The following TNFSF9 variants were observed in gnomAD, a reference collection of about 807,000 sequenced individuals.
TNFSF9 encodes TNF superfamily member 9.
A neutral mutation model predicts 10.3 loss-of-function variants in TNFSF9; 10 were observed. The observed-to-expected ratio is 0.97, with a 90% CI of 0.60 to 1.65. TNFSF9 has a LOEUF of 1.65. Among genes scored for constraint, TNFSF9 ranks in the 40% most tolerant of loss-of-function variants. The probability of loss-of-function intolerance (pLI) is 0.00; values close to 1 mark genes in which losing one functional copy is unlikely to be tolerated. For synonymous variants in TNFSF9, 195 were observed against 176.1 expected (o/e 1.11, Z -0.85); for missense variants, 361 against 348.9 (o/e 1.03, Z -0.28).
rs979311390 is a variant in TNFSF9 at position 6,535,725 on chromosome 19, A to G, written c.*659A>G. ...CAGGCTAGAATGCAGCGGTGCAATC[A>G]TGAGTCAATGCAGCCTCCAGCCTCG... On this transcript the variant is annotated 3_prime_UTR_variant, in exon 3 of 3. Coordinates refer to ENST00000245817, the MANE Select transcript of TNFSF9 (RefSeq NM_003811.4). 6.6e-6 allele frequency: 1 copy of G among 152,012 alleles called. No individual in the cohort carries two copies. Among genetic ancestry groups the G allele is most frequent in the Non-Finnish European group, 1.5e-5 (1 of 68,004 alleles). 9.4% of individuals were successfully genotyped at this position (152,012 alleles called of 1,614,324 possible).
chr19:6,534,675 G>A lies in TNFSF9; in HGVS notation c.374G>A (p.Ser125Asn). 1.9e-6 allele frequency: 3 copies of A among 1,592,540 alleles called. No individual in the cohort carries two copies. The highest frequency in any genetic ancestry group is 2.6e-6 in the Non-Finnish European group (3 of 1,170,226). Reference protein sequence around the residue: ...LAGVSLTGGLSYKEDTKELVV... With the variant: ...LAGVSLTGGLNYKEDTKELVV... Reference sequence around the variant, plus strand: ...GGCGTGTCCCTGACGGGGGGCCTGAGCTACAAAGAGGACACGAAGGAGCTG... The same window carrying A: ...GGCGTGTCCCTGACGGGGGGCCTGAACTACAAAGAGGACACGAAGGAGCTG... Residue 125 changes from serine to asparagine, a missense_variant, in exon 3 of 3, where the codon AGC (serine) becomes AAC (asparagine). By Grantham distance (46) the Ser-to-Asn change is conservative. Transcript: ENST00000245817.
chr19:6,534,752 C>A lies in TNFSF9; in HGVS notation c.451C>A (p.Arg151Ser). 1 of 1,598,326 alleles carries A rather than the reference C, an allele frequency of 6.3e-7. No homozygotes were observed. Among genetic ancestry groups the A allele is most frequent in the Non-Finnish European group, 8.5e-7 (1 of 1,173,028 alleles). The change falls in exon 3 of 3, where the codon CGC (arginine) becomes AGC (serine). Residue 151 changes from arginine (R) to serine (S), a missense_variant. By Grantham distance (110) the Arg-to-Ser change is moderately radical. Transcript: ENST00000245817. ...TGTCTTCTTTCAACTAGAGCTGCGG[C>A]GCGTGGTGGCCGGCGAGGGCTCAGG... ...YYVFFQLELR[R>S]VVAGEGSGSV...
In TNFSF9 at chr19:6,532,808, C is replaced by A. The variant is rs1441660277; in HGVS notation, c.290C>A (p.Ala97Asp). ...LRQGMFAQLVAQNVLLIDGPL... is the reference protein window; with the variant it reads ...LRQGMFAQLVDQNVLLIDGPL... ...CAGGGCATGTTTGCGCAGCTGGTGG[C>A]CCAAAATGGTAAGTATCCTCCGCCA... The change falls in exon 2 of 3, where the codon GCC becomes GAC. Residue 97 changes from alanine to aspartate, a missense_variant. By Grantham distance (126) the Ala-to-Asp change is moderately radical. Transcript: ENST00000245817. 9 of 1,613,658 alleles carry A rather than the reference C, an allele frequency of 5.6e-6. No individual in the cohort carries two copies. Among genetic ancestry groups the A allele is most frequent in the Non-Finnish European group, 7.6e-6 (9 of 1,179,812 alleles).
chr19:6,532,052 C>A lies in TNFSF9; in HGVS notation c.268-734C>A, dbSNP rs1380502583. 3.3e-5 allele frequency among the ~76,000 whole-genome samples: 5 copies of A among 152,168 alleles called. No homozygotes were observed. In the East Asian group the frequency reaches 9.6e-4, roughly 29 times the overall value. On this transcript the variant is annotated intron_variant, in intron 1 of 2. Coordinates refer to ENST00000245817, the MANE Select transcript of TNFSF9 (RefSeq NM_003811.4). Reference sequence around the variant, plus strand: ...GGGAACCTTTTTTCCATCCCCGATCCGAGGGGGGCACTTCCTCTTTATCTG... The same window carrying A: ...GGGAACCTTTTTTCCATCCCCGATCAGAGGGGGGCACTTCCTCTTTATCTG...
At position 6,535,076 on chromosome 19, in the gene TNFSF9, T is replaced by C; in HGVS notation, c.*10T>C. On this transcript the variant is annotated 3_prime_UTR_variant, in exon 3 of 3. Transcript: ENST00000245817. The stretch of plus-strand genomic sequence containing the variant: ...ACCGAGGTCGGAATAACGTCCAGCC[T>C]GGGTGCAGCCCACCTGGACAGAGTC... 1 of 1,532,760 alleles carries C rather than the reference T, an allele frequency of 6.5e-7. No homozygotes were observed. The highest frequency in any genetic ancestry group is 8.8e-7 in the Non-Finnish European group (1 of 1,139,032). 94.9% of individuals were successfully genotyped at this position (1,532,760 alleles called of 1,614,324 possible).
At chr19:6,534,464 GCCCCGCCATT>G (rs1011175039) in intron 2 of TNFSF9, 126 bp from the exon 3 acceptor site, 18 of 273,380 alleles carry the variant, frequency 6.6e-5, no homozygotes, top group African/African-American at 4.9e-4. Context: ...CCCGCTCCCT[GCCCCGCCATT>G]CCCCGCCCCC....
chr19:6,535,024 C>A lies in TNFSF9; in HGVS notation c.723C>A (p.Thr241=). The change falls in exon 3 of 3, where the codon ACC becomes ACA. Residue 241 remains threonine (T), a synonymous_variant. Coordinates refer to ENST00000245817, the MANE Select transcript of TNFSF9 (RefSeq NM_003811.4). The part of the protein sequence containing the change: ...GATVLGLFRV[T]PEIPAGLPSP... ...CAGTCTTGGGACTCTTCCGGGTGAC[C>A]CCCGAAATCCCAGCCGGACTCCCTT... 1 of 1,586,332 alleles carries A rather than the reference C, an allele frequency of 6.3e-7. No individual in the cohort carries two copies. The highest frequency in any genetic ancestry group is 8.6e-7 in the Non-Finnish European group (1 of 1,164,740).
chr19:6,534,226 A>C (rs1030135670), intron 2 of TNFSF9, among the ~76,000 whole-genome samples: 3 of 143,812 alleles, frequency 2.1e-5, no homozygotes, highest in African/African-American at 5.2e-5. Context: ...CTCTTCCTGC[A>C]TGTCTTTCCC....
Position 6,532,296 on chromosome 19 carries a change from T to C in TNFSF9, c.268-490T>C, listed in dbSNP as rs669455. Among the ~76,000 whole-genome samples the C allele has an allele frequency of 1.3e-3, 183 of 146,168 alleles. No individual in the cohort carries two copies. In the South Asian group the frequency reaches 0.017, roughly 14 times the overall value. ...GTGTGTGTGTGTGTGTGTGTGTGTGTGTTCGTGTTTGTGTGGGTGTTTGTG... is the reference window on the plus strand; with the variant it reads ...GTGTGTGTGTGTGTGTGTGTGTGTGCGTTCGTGTTTGTGTGGGTGTTTGTG... On this transcript the variant is annotated intron_variant, in intron 1 of 2. Transcript: ENST00000245817.
rs1448545002 is a variant in TNFSF9, at chr19:6,534,457, G to A, written c.299-143G>A. Reference sequence around the variant, plus strand: ...GCTCCCCGCTCTGCTCCCCTGTCCCGCTCCCTGCCCCGCCATTCCCCGCCC... The same window carrying A: ...GCTCCCCGCTCTGCTCCCCTGTCCCACTCCCTGCCCCGCCATTCCCCGCCC... On this transcript the variant is annotated intron_variant, in intron 2 of 2. Coordinates refer to ENST00000245817, the MANE Select transcript of TNFSF9 (RefSeq NM_003811.4). 152 of 118,860 alleles carry A rather than the reference G, an allele frequency of 1.3e-3. No homozygotes were observed. In the South Asian group the frequency reaches 0.015, roughly 12 times the overall value. The allele number at this position is 118,860 out of a possible 1,614,324, so 7.4% of individuals were successfully genotyped here.
In TNFSF9 at chr19:6,531,250, G is replaced by T; in HGVS notation, c.214G>T (p.Glu72Ter). Reference sequence around the variant, plus strand: ...CTCCGCGGCCAGCCCGAGACTCCGCGAGGGTCCCGAGCTTTCGCCCGACGA... The same window carrying T: ...CTCCGCGGCCAGCCCGAGACTCCGCTAGGGTCCCGAGCTTTCGCCCGACGA... ...PGSAASPRLR[E>*]GPELSPDDPA... Residue 72 changes from glutamate to a stop codon, truncating the protein, a stop_gained, in exon 1 of 3, where the codon GAG (glutamate) becomes TAG (stop). Transcript: ENST00000245817. LOFTEE classifies it high-confidence loss of function. 4.6e-6 allele frequency: 7 copies of T among 1,535,528 alleles called. No homozygotes were observed. Among genetic ancestry groups the T allele is most frequent in the South Asian group, 1.2e-5 (1 of 81,112 alleles).
chr19:6,532,662 A>G, intron 1 of TNFSF9, 124 bp from the exon 2 acceptor site: 4 of 1,305,020 alleles, frequency 3.1e-6, no homozygotes, highest in South Asian at 1.2e-5. Flanking sequence ...GTTGGGAGGG[A>G]AGGGAAGCGT....
At position 6,531,222 on chromosome 19, in the gene TNFSF9, C is replaced by G. The variant is rs1255358302; in HGVS notation, c.186C>G (p.Pro62=). 1 of 1,533,448 alleles carries G rather than the reference C, an allele frequency of 6.5e-7. No homozygotes were observed. The highest frequency in any genetic ancestry group is 8.7e-7 in the Non-Finnish European group (1 of 1,144,538). 95.0% of individuals were successfully genotyped at this position (1,533,448 alleles called of 1,614,324 possible). A position where few individuals can be genotyped will look rare whatever the true frequency, so the allele number is the denominator to read the frequency against. Reference sequence around the variant, plus strand: ...CCGTGTCCGGGGCTCGCGCCTCGCCCGGCTCCGCGGCCAGCCCGAGACTCC... The same window carrying G: ...CCGTGTCCGGGGCTCGCGCCTCGCCGGGCTCCGCGGCCAGCCCGAGACTCC... The part of the protein sequence containing the change: ...PWAVSGARAS[P]GSAASPRLRE... The change falls in exon 1 of 3, where the codon CCC becomes CCG. Residue 62 remains proline (P), a synonymous_variant. Transcript: ENST00000245817.
intron 2 of TNFSF9, among the ~76,000 whole-genome samples, chr19:6,533,420 CCTCCCAGAGACCCCCT>C (rs1915191639): frequency 7.9e-6 from 1 of 126,230 alleles, no homozygotes; most frequent in African/African-American, 3.1e-5. Context: ...TCCCCCTTCC[CCTCCCAGAGACCCCCT>C]TCCCCCTTCC....
Position 6,535,404 on chromosome 19 carries a change from T to C in TNFSF9, c.*338T>C, listed in dbSNP as rs950434836. On this transcript the variant is annotated 3_prime_UTR_variant, in exon 3 of 3. Coordinates refer to ENST00000245817, the MANE Select transcript of TNFSF9 (RefSeq NM_003811.4). Reference sequence around the variant, plus strand: ...GACATTGCCGAGGCTGGTCTTGAACTCCTGGACTTAGACGATCCTCCTGCC... The same window carrying C: ...GACATTGCCGAGGCTGGTCTTGAACCCCTGGACTTAGACGATCCTCCTGCC... 1 of 149,838 alleles carries C rather than the reference T, an allele frequency of 6.7e-6. No individual in the cohort carries two copies. The highest frequency in any genetic ancestry group is 2.5e-5 in the African/African-American group (1 of 40,788). 9.3% of individuals were successfully genotyped at this position (149,838 alleles called of 1,614,324 possible).
chr19:6,532,029 G>T (rs547486794), intron 1 of TNFSF9, among the ~76,000 whole-genome samples: 4 of 152,100 alleles, frequency 2.6e-5, no homozygotes, highest in Non-Finnish European at 4.4e-5. Flanking sequence ...TCTCTGGGGG[G>T]AACCTTTTTT....
rs554129563 is a variant in TNFSF9 at position 6,532,317 on chromosome 19, TTGTGTTCGTGTGTG to T, written c.268-456_268-443del. Among the ~76,000 whole-genome samples, 507 of 98,884 alleles carry T rather than the reference TTGTGTTCGTGTGTG, an allele frequency of 5.1e-3. 3 individuals are homozygous for T. Among genetic ancestry groups the T allele is most frequent in the Non-Finnish European group, 7.2e-3 (350 of 48,898 alleles). 64.9% of individuals were successfully genotyped at this position (98,884 alleles called of 152,430 possible). A position where few individuals can be genotyped will look rare whatever the true frequency, so the allele number is the denominator to read the frequency against. Reference sequence around the variant, plus strand: ...TGTGTGTTCGTGTTTGTGTGGGTGTTTGTGTTCGTGTGTGTGTGTTCGTGTGGGGGTGCGTATGT... The same window carrying T: ...TGTGTGTTCGTGTTTGTGTGGGTGTTTGTGTTCGTGTGGGGGTGCGTATGT... On this transcript the variant is annotated intron_variant, in intron 1 of 2. Transcript: ENST00000245817.
intron 2 of TNFSF9, among the ~76,000 whole-genome samples, chr19:6,534,267 C>T (rs1915216274): frequency 6.6e-6 from 1 of 151,688 alleles, no homozygotes; most frequent in South Asian, 2.1e-4. Flanking sequence ...CCCACCCAAC[C>T]TCTTGGAGTT....
chr19:6,534,918 T>C lies in TNFSF9; in HGVS notation c.617T>C (p.Leu206Pro). ...AFGFQGRLLH[L>P]SAGQRLGVHL... The stretch of plus-strand genomic sequence containing the variant: ...GGTTTCCAGGGCCGCTTGCTGCACC[T>C]GAGTGCCGGCCAGCGCCTGGGCGTC... The change falls in exon 3 of 3, where the codon CTG becomes CCG. Residue 206 changes from leucine (L) to proline (P), a missense_variant. Physicochemically the swap from Leu to Pro is moderately conservative, Grantham distance 98. Coordinates refer to ENST00000245817, the MANE Select transcript of TNFSF9 (RefSeq NM_003811.4). 1 of 1,609,452 alleles carries C rather than the reference T, an allele frequency of 6.2e-7. No individual in the cohort carries two copies. The highest frequency in any genetic ancestry group is 8.5e-7 in the Non-Finnish European group (1 of 1,179,420).
Sources: gnomAD v4.1 joint callset for allele counts (sites outside exome capture counted in the v4.1 genomes callset) on GRCh38, gnomAD v4.1.1 for gene constraint, MANE v1.5 for transcripts, NCBI Gene and HGNC (gene_info 2026-07-23, HGNC 2026-07-21) for gene names.